The following CCDC7 variants were observed in gnomAD, a reference collection of about 807,000 sequenced individuals.
CCDC7 encodes the protein coiled-coil domain containing 7.
A neutral mutation model predicts 196.9 loss-of-function variants in CCDC7; 183 were observed. That is an observed-to-expected ratio of 0.93 (90% CI 0.82 to 1.05). CCDC7 has a LOEUF of 1.05. Among genes scored for constraint, CCDC7 ranks in the 50% least tolerant of loss-of-function variants. The probability of loss-of-function intolerance (pLI) is 0.00; values close to 1 mark genes in which losing one functional copy is unlikely to be tolerated. For missense variants in CCDC7, 1,540 were observed against 1,482.2 expected (o/e 1.04, Z -0.64); for synonymous variants, 525 against 484.6 (o/e 1.08, Z -1.10).
chr10:32,882,063 C>A (rs866119706), downstream of CCDC7, among the ~76,000 whole-genome samples: 3 of 152,230 alleles, frequency 2.0e-5, no homozygotes, highest in South Asian at 6.2e-4. Context: ...AAGAGCCAGT[C>A]TCATAATGCT....
chr10:32,595,264 G>A (rs1346776784), intron 18 of CCDC7, among the ~76,000 whole-genome samples: 1 of 152,028 alleles, frequency 6.6e-6, no homozygotes, highest in Non-Finnish European at 1.5e-5. Flanking sequence ...ACTTCTTCCT[G>A]GTTTAGTCTT....
intron 28 of CCDC7, among the ~76,000 whole-genome samples, chr10:32,759,675 T>A (rs1419919406): frequency 6.6e-6 from 1 of 152,180 alleles, no homozygotes; most frequent in East Asian, 1.9e-4. Flanking sequence ...TTTCAGGACA[T>A]AGGCATGGGC....
chr10:32,677,208 ACTGTT>A, intron 21 of CCDC7, among the ~76,000 whole-genome samples: 1 of 107,612 alleles, frequency 9.3e-6, no homozygotes, highest in Non-Finnish European at 1.8e-5. Context: ...CACTCTGGGG[ACTGTT>A]GTGGGGTGGG....
chr10:32,655,836 G>C (rs766676455), intron 20 of CCDC7, among the ~76,000 whole-genome samples: 1 of 152,134 alleles, frequency 6.6e-6, no homozygotes. Flanking sequence ...CATTAGCCAC[G>C]ATGTCTGGCC....
At chr10:32,511,746 C>T (rs1057387038) in intron 9 of CCDC7, 5 of 1,559,090 alleles carry the variant, frequency 3.2e-6, no homozygotes, top group Non-Finnish European at 4.4e-6. Flanking sequence ...GCCGTTATGG[C>T]TGACTCACGG....
intron 21 of CCDC7, among the ~76,000 whole-genome samples, chr10:32,677,455 G>A (rs2075196930): frequency 6.6e-6 from 1 of 151,974 alleles, no homozygotes; most frequent in Admixed American, 6.6e-5. Flanking sequence ...GTCTGGAAAA[G>A]TATCTATGCT....
At chr10:32,585,125 G>C (rs956706759) in intron 18 of CCDC7, among the ~76,000 whole-genome samples, 5 of 151,252 alleles carry the variant, frequency 3.3e-5, no homozygotes, top group African/African-American at 1.2e-4. Flanking sequence ...CCAGGCTGTA[G>C]TGCAGTGGCA....
chr10:32,688,996 C>T, intron 22 of CCDC7, 57 bp from the exon 24 acceptor site: 4 of 1,115,592 alleles, frequency 3.6e-6, no homozygotes, highest in Non-Finnish European at 4.0e-6. Flanking sequence ...TTGAAATCTA[C>T]AGATTTCAAA....
At chr10:32,839,096 A>T (rs1423701294) in intron 33 of CCDC7, among the ~76,000 whole-genome samples, 1 of 152,016 alleles carries the variant, frequency 6.6e-6, no homozygotes, top group East Asian at 1.9e-4. Flanking sequence ...AAAGGTATTC[A>T]GGCTACAAAT....
At chr10:32,779,166 C>T (rs1005047683) in intron 29 of CCDC7, 82 bp downstream of exon 30, 2 of 1,060,848 alleles carry the variant, frequency 1.9e-6, no homozygotes, top group East Asian at 5.6e-5. Context: ...TGTTAAAAAA[C>T]AGGAAATTCA....
intron 28 of CCDC7, among the ~76,000 whole-genome samples, chr10:32,765,362 G>A (rs1206426224): frequency 6.6e-6 from 1 of 151,958 alleles, no homozygotes; most frequent in Non-Finnish European, 1.5e-5. Flanking sequence ...GGAAACTATG[G>A]AGGGCAAGTG....
intron 13 of CCDC7, among the ~76,000 whole-genome samples, chr10:32,559,187 A>G (rs2054920018): frequency 2.0e-5 from 3 of 152,098 alleles, no homozygotes; most frequent in African/African-American, 7.3e-5. Context: ...GGTGGAGCCC[A>G]CCACAGCTCA....
At chr10:32,495,587 C>G (rs2134642061) in intron 9 of CCDC7, among the ~76,000 whole-genome samples, 1 of 152,070 alleles carries the variant, frequency 6.6e-6, no homozygotes. Context: ...AGGAAGGGAT[C>G]CCAGTTTTAG....
intron 18 of CCDC7, 116 bp downstream of exon 19, chr10:32,584,420 G>A (rs1419999919): frequency 6.7e-6 from 4 of 594,400 alleles, no homozygotes; most frequent in South Asian, 6.4e-5. Flanking sequence ...AACTTGTTAG[G>A]GAGTCACTGG....
At chr10:32,487,834 G>A (rs548890608) in intron 8 of CCDC7, among the ~76,000 whole-genome samples, 6 of 152,296 alleles carry the variant, frequency 3.9e-5, no homozygotes, top group Admixed American at 2.6e-4. Context: ...CTGCCTGATC[G>A]TTCCTCTGGA....
At chr10:32,539,600 G>A (rs906459739) in intron 11 of CCDC7, among the ~76,000 whole-genome samples, 3 of 152,078 alleles carry the variant, frequency 2.0e-5, no homozygotes, top group African/African-American at 7.2e-5. Flanking sequence ...TAGTTGTGAT[G>A]TTAGGTTGTT....
intron 18 of CCDC7, among the ~76,000 whole-genome samples, chr10:32,601,254 T>C (rs1034852252): frequency 5.3e-5 from 8 of 152,152 alleles, no homozygotes; most frequent in African/African-American, 1.9e-4. Flanking sequence ...GTATTTTCAG[T>C]AAGTTGAGGT....
chr10:32,473,853 A>G (rs1048705474), intron 7 of CCDC7, 114 bp from the exon 9 acceptor site: 9 of 1,022,220 alleles, frequency 8.8e-6, no homozygotes, highest in Non-Finnish European at 1.2e-5. Context: ...TTATTTTTTC[A>G]AAGTTTTCTT....
At chr10:32,820,562 A>G (rs887651829) in intron 31 of CCDC7, among the ~76,000 whole-genome samples, 4 of 152,190 alleles carry the variant, frequency 2.6e-5, no homozygotes, top group Admixed American at 6.5e-5. Flanking sequence ...CTGACTTCCA[A>G]CTATACTACA....
Sources: gnomAD v4.1 joint callset for allele counts (sites outside exome capture counted in the v4.1 genomes callset) on GRCh38, gnomAD v4.1.1 for gene constraint, MANE v1.5 for transcripts, NCBI Gene and HGNC (gene_info 2026-07-23, HGNC 2026-07-21) for gene names.